The following ANK3 variants were observed in gnomAD, a reference collection of about 807,000 sequenced individuals.
ANK3 encodes ankyrin-3.
Under a neutral mutation model 370.9 loss-of-function variants are expected in ANK3, and 57 were observed. That is an observed-to-expected ratio of 0.15 (90% CI 0.12 to 0.19). The LOEUF is 0.19. Ranked by LOEUF, ANK3 falls within the 10% of genes least tolerant of loss-of-function variation. The pLI is 1.00. For missense variants in ANK3, 4,439 were observed against 5,302.1 expected (o/e 0.84, Z 5.06); for synonymous variants, 1,929 against 1,946.3 (o/e 0.99, Z 0.23).
chr10:60,691,197 G>A (rs2079347036), intron 1 of ANK3, among the ~76,000 whole-genome samples: 1 of 152,098 alleles, frequency 6.6e-6, no homozygotes, highest in Non-Finnish European at 1.5e-5. Context: ...AAAATACTGG[G>A]TACTGTGCTC....
chr10:60,508,880 C>T (rs1200816828), intron 2 of ANK3, among the ~76,000 whole-genome samples: 1 of 152,114 alleles, frequency 6.6e-6, no homozygotes, highest in Admixed American at 6.6e-5. Context: ...AGTTCATAAA[C>T]AATTGATTGC....
At chr10:60,156,866 C>T (rs147866185) in intron 23 of ANK3, among the ~76,000 whole-genome samples, 3 of 152,248 alleles carry the variant, frequency 2.0e-5, no homozygotes, top group African/African-American at 7.2e-5. Flanking sequence ...AAATACCTAA[C>T]TCTTTAATGC....
Position 60,071,199 on chromosome 10 carries a change from C to T in ANK3, c.9682G>A (p.Val3228Ile), listed in dbSNP as rs61732399. 10 of 1,614,028 alleles carry T rather than the reference C, an allele frequency of 6.2e-6. No individual in the cohort carries two copies. The highest frequency in any genetic ancestry group is 3.3e-5 in the Admixed American group (2 of 60,004). ...LKQTTVEETAVEREMPNDVSK... is the reference protein window; with the variant it reads ...LKQTTVEETAIEREMPNDVSK... ...ACGTCATTAGGCATTTCACGCTCAA[C>T]TGCTGTTTCCTCCACTGTAGTCTGC... The change falls in exon 37 of 44, where the codon GTT becomes ATT. Residue 3228 changes from valine to isoleucine, a missense_variant. This residue lies in a region of ANK3 where 1,601 missense variants were observed against 1,731.7 expected (regional missense o/e 0.92). Coordinates refer to ENST00000280772, the MANE Select transcript of ANK3 (RefSeq NM_020987.5).
In ANK3 at chr10:60,072,700, G is replaced by T. The variant is rs183330533; in HGVS notation, c.8181C>A (p.His2727Gln). 55 of 1,613,418 alleles carry T rather than the reference G, an allele frequency of 3.4e-5. No homozygotes were observed. In the South Asian group the frequency reaches 5.5e-4, roughly 16 times the overall value. Residue 2727 changes from histidine to glutamine, a missense_variant, in exon 37 of 44, where the codon CAC (histidine) becomes CAA (glutamine). By Grantham distance (24) the His-to-Gln change is conservative. Around this residue, in one of 13 missense-constraint regions of ANK3, gnomAD observed 1,601 missense variants for 1,731.7 expected, o/e 0.92. Coordinates refer to ENST00000280772, the MANE Select transcript of ANK3 (RefSeq NM_020987.5). ...CTTGAGACATGTCCTTACTTTTTGC[G>T]TGTGTGCCTTGTTCAAATTTTAATC... ...SIRLKFEQGT[H>Q]AKSKDMSQED...
At chr10:60,522,926 T>C (rs1375945280) in intron 2 of ANK3, among the ~76,000 whole-genome samples, 1 of 152,082 alleles carries the variant, frequency 6.6e-6, no homozygotes, top group Non-Finnish European at 1.5e-5. Flanking sequence ...ACAAAACCTC[T>C]TCTACAAGAA....
At chr10:60,543,351 A>G (rs1220935106) in intron 2 of ANK3, among the ~76,000 whole-genome samples, 1 of 152,094 alleles carries the variant, frequency 6.6e-6, no homozygotes. Flanking sequence ...AGATATACAT[A>G]TAAGATATTT....
intron 1 of ANK3, among the ~76,000 whole-genome samples, chr10:60,642,638 G>GT (rs1554799078): frequency 7.7e-5 from 2 of 26,074 alleles, no homozygotes; most frequent in Admixed American, 1.0e-3. Context: ...GTTGTGGGGT[G>GT]GGGGGGCGAG....
At chr10:60,646,672 A>G (rs1035706271) in intron 1 of ANK3, among the ~76,000 whole-genome samples, 2 of 152,192 alleles carry the variant, frequency 1.3e-5, no homozygotes, top group Non-Finnish European at 2.9e-5. Context: ...AGGATGTCAG[A>G]GATTACCGTG....
intron 2 of ANK3, among the ~76,000 whole-genome samples, chr10:60,397,824 C>T (rs1269828427): frequency 6.6e-6 from 1 of 152,086 alleles, no homozygotes; most frequent in Non-Finnish European, 1.5e-5. Context: ...ATATAAGGTC[C>T]TATGTTTTGG....
intron 2 of ANK3, among the ~76,000 whole-genome samples, chr10:60,481,095 C>T (rs1225383316): frequency 6.6e-6 from 1 of 152,150 alleles, no homozygotes; most frequent in Admixed American, 6.5e-5. Context: ...AGTAAACATT[C>T]AACCTCCCTG....
At position 60,260,583 on chromosome 10, in the gene ANK3, TG is replaced by T. The variant is rs1313630286; in HGVS notation, c.798+1275del. On this transcript the variant is annotated intron_variant, in intron 7 of 43. Transcript: ENST00000280772. ...CACGTTGAAACGTAGTGTCCCATGTTGGAGGTGCAGTCTGGTGGGAGGTGAT... is the reference window on the plus strand; with the variant it reads ...CACGTTGAAACGTAGTGTCCCATGTTGAGGTGCAGTCTGGTGGGAGGTGAT... Among the ~76,000 whole-genome samples the T allele has an allele frequency of 1.3e-5, 2 of 152,198 alleles. 1 individual carries two copies. Among genetic ancestry groups the T allele is most frequent in the Non-Finnish European group, 2.9e-5 (2 of 68,020 alleles).
intron 8 of ANK3, among the ~76,000 whole-genome samples, chr10:60,226,037 A>G (rs2097133975): frequency 6.9e-6 from 1 of 143,976 alleles, no homozygotes; most frequent in Non-Finnish European, 1.5e-5. Context: ...TATATATTAT[A>G]TATAATAGAG....
intron 7 of ANK3, among the ~76,000 whole-genome samples, chr10:60,244,482 T>TA (rs2097523844): frequency 6.6e-6 from 1 of 152,252 alleles, no homozygotes; most frequent in South Asian, 2.1e-4. Context: ...TATCTTCTGC[T>TA]AATTCTTACC....
chr10:60,358,947 C>T (rs1443430736), intron 1 of ANK3, among the ~76,000 whole-genome samples: 1 of 152,122 alleles, frequency 6.6e-6, no homozygotes, highest in African/African-American at 2.4e-5. Context: ...TAAAGCAACT[C>T]TTTCTAGTTA....
At chr10:60,159,828 A>G (rs1466526909) in intron 23 of ANK3, among the ~76,000 whole-genome samples, 1 of 152,206 alleles carries the variant, frequency 6.6e-6, no homozygotes, top group East Asian at 1.9e-4. Context: ...CATTATGTCA[A>G]CGAATAAATT....
At chr10:60,263,549 T>A (rs1224353957) in intron 6 of ANK3, among the ~76,000 whole-genome samples, 2 of 152,190 alleles carry the variant, frequency 1.3e-5, no homozygotes, top group Non-Finnish European at 2.9e-5. Context: ...GTTGAATATA[T>A]TCCAAAACTA....
intron 1 of ANK3, among the ~76,000 whole-genome samples, chr10:60,343,090 T>C (rs1474901689): frequency 6.6e-6 from 1 of 152,142 alleles, no homozygotes; most frequent in Admixed American, 6.6e-5. Context: ...CACATACTCG[T>C]GGGTGAGTTA....
intron 2 of ANK3, among the ~76,000 whole-genome samples, chr10:60,466,416 T>C (rs937784719): frequency 6.6e-6 from 1 of 152,158 alleles, no homozygotes; most frequent in Non-Finnish European, 1.5e-5. Flanking sequence ...TTCAGAACAA[T>C]GGTGAAATAG....
chr10:60,542,275 T>C (rs189263623), intron 2 of ANK3, among the ~76,000 whole-genome samples: 4 of 151,898 alleles, frequency 2.6e-5, no homozygotes, highest in Non-Finnish European at 5.9e-5. Context: ...GTTCTTTTAT[T>C]GAGACTGAGA....
Sources: allele counts gnomAD v4.1 joint callset (sites outside exome capture counted in the v4.1 genomes callset), GRCh38; gene constraint gnomAD v4.1.1; regional missense constraint gnomAD v4.1.1; transcripts MANE v1.5; gene names NCBI Gene and HGNC (gene_info 2026-07-23, HGNC 2026-07-21).